The following ABLIM1 variants were observed in gnomAD, a reference collection of about 807,000 sequenced individuals.
ABLIM1 encodes actin binding LIM protein 1, also known as actin-binding LIM protein 1.
A neutral mutation model predicts 107.0 loss-of-function variants in ABLIM1; 40 were observed. The observed-to-expected ratio is 0.37, with a 90% confidence interval of 0.29 to 0.49. The LOEUF (loss-of-function observed/expected upper bound fraction) is 0.49. Among genes scored for constraint, ABLIM1 ranks in the 20% least tolerant of loss-of-function variants. The pLI is 0.97. For synonymous variants in ABLIM1, 357 were observed against 357.3 expected (o/e 1.00, Z 0.01); for missense variants, 857 against 1,008.5 (o/e 0.85, Z 2.04).
rs762667819 is a variant in ABLIM1 at position 114,575,411 on chromosome 10, C to T, written c.563+5G>A. 3.7e-6 allele frequency: 6 copies of T among 1,612,858 alleles called. No homozygotes were observed. Among genetic ancestry groups the T allele is most frequent in the Non-Finnish European group, 4.2e-6 (5 of 1,179,386 alleles). ...TGTAGGCTTTGGAAAGATAGGCTCA[C>T]TTACTTGCAGATAGTACAAGCAAAG... On this transcript the variant is annotated splice_donor_5th_base_variant and intron_variant, in intron 3 of 22. Transcript: ENST00000533213.
chr10:114,658,400 A>G (rs1472923883), upstream of ABLIM1: 2 of 1,013,554 alleles, frequency 2.0e-6, no homozygotes, highest in Non-Finnish European at 2.6e-6. Flanking sequence ...ACTAGGTATA[A>G]AAACAGCCAC....
In ABLIM1 at chr10:114,444,048, G is replaced by C. The variant is rs199591198; in HGVS notation, c.1914C>G (p.Tyr638Ter). 2 of 1,607,060 alleles carry C rather than the reference G, an allele frequency of 1.2e-6. No homozygotes were observed. The highest frequency in any genetic ancestry group is 1.7e-6 in the Non-Finnish European group (2 of 1,178,120). ...RERSSLLASR[Y>*]DSPINSASHI... ...GCTTACCTGAGTTGATGGGAGAATCGTAGCGACTGGCTAACAGAGATGACC... is the reference window on the plus strand; with the variant it reads ...GCTTACCTGAGTTGATGGGAGAATCCTAGCGACTGGCTAACAGAGATGACC... Residue 638 changes from tyrosine to a stop codon, truncating the protein, a stop_gained, in exon 17 of 23, where the codon TAC (tyrosine) becomes TAG (stop). Transcript: ENST00000533213. LOFTEE classifies it high-confidence loss of function.
chr10:114,566,124 C>T (rs1381685251), intron 4 of ABLIM1, among the ~76,000 whole-genome samples: 1 of 152,106 alleles, frequency 6.6e-6, no homozygotes, highest in Non-Finnish European at 1.5e-5. Flanking sequence ...CAGACTAGAG[C>T]ATTTGTCTTG....
intron 1 of ABLIM1, among the ~76,000 whole-genome samples, chr10:114,651,168 T>C (rs781738026): frequency 2.0e-5 from 3 of 152,190 alleles, no homozygotes; most frequent in Admixed American, 6.5e-5. Flanking sequence ...TCTTCGAACA[T>C]AGTGATTTGA....
intron 22 of ABLIM1, 23 bp from the exon 23 acceptor site, chr10:114,436,396 A>AT: frequency 1.3e-6 from 2 of 1,527,536 alleles, no homozygotes; most frequent in East Asian, 2.3e-5. Flanking sequence ...AAAAAAAAAA[A>AT]GAGCTGCTGT....
At chr10:114,792,686 A>T in the ABLIM1 span, among the ~76,000 whole-genome samples, 32 of 152,118 alleles carry the variant, frequency 2.1e-4, no homozygotes, top group African/African-American at 7.7e-4. Flanking sequence ...GGGTAAACCA[A>T]TCCAATCCCA....
intron 1 of ABLIM1, among the ~76,000 whole-genome samples, chr10:114,736,562 A>G (rs1055460140): frequency 1.6e-4 from 25 of 152,232 alleles, no homozygotes; most frequent in Non-Finnish European, 7.3e-5. Flanking sequence ...ATCCAGTGAC[A>G]GCTATCTAAA....
chr10:114,594,088 T>C (rs1001332440), intron 2 of ABLIM1, among the ~76,000 whole-genome samples: 16 of 152,208 alleles, frequency 1.1e-4, no homozygotes, highest in African/African-American at 3.6e-4. Context: ...AGATAGGTAA[T>C]AAAAGGATGA....
chr10:114,716,408 G>GAA (rs34924605), intron 1 of ABLIM1, among the ~76,000 whole-genome samples: 4,339 of 110,982 alleles, frequency 0.039, 79 homozygotes, highest in Middle Eastern at 0.056. Flanking sequence ...TTGGTAGAGA[G>GAA]AAACACACAC....
chr10:114,609,867 TAGGAGGG>T (rs1409048677), intron 1 of ABLIM1, among the ~76,000 whole-genome samples: 1 of 152,168 alleles, frequency 6.6e-6, no homozygotes, highest in African/African-American at 2.4e-5. Flanking sequence ...ACAATTGCCG[TAGGAGGG>T]ACTGTTGCAC....
intron 1 of ABLIM1, among the ~76,000 whole-genome samples, chr10:114,613,956 A>G (rs1189177143): frequency 6.6e-6 from 1 of 152,152 alleles, no homozygotes; most frequent in Non-Finnish European, 1.5e-5. Context: ...GTGGTTGATC[A>G]TTCTCTTATT....
intron 1 of ABLIM1, among the ~76,000 whole-genome samples, chr10:114,704,471 G>A (rs2081380463): frequency 6.6e-6 from 1 of 151,480 alleles, no homozygotes; most frequent in Non-Finnish European, 1.5e-5. Context: ...AATCTGCTTT[G>A]GCCGGCTACT....
Position 114,451,612 on chromosome 10 carries a change from A to G in ABLIM1, c.1594+12T>C, listed in dbSNP as rs1287271282. ...GCTATTTAAAAGCTACGCGGAGGAA[A>G]GCGGGTTTTACCATGCTGTTTGTAG... On this transcript the variant is annotated intron_variant, in intron 14 of 22. Coordinates refer to ENST00000533213, the MANE Select transcript of ABLIM1 (RefSeq NM_002313.7). 12 of 1,610,390 alleles carry G rather than the reference A, an allele frequency of 7.5e-6. No homozygotes were observed. The highest frequency in any genetic ancestry group is 1.0e-5 in the Non-Finnish European group (12 of 1,176,720).
At chr10:114,614,027 A>G (rs1334446626) in intron 1 of ABLIM1, among the ~76,000 whole-genome samples, 1 of 152,150 alleles carries the variant, frequency 6.6e-6, no homozygotes, top group Non-Finnish European at 1.5e-5. Flanking sequence ...AAGTTTAACA[A>G]AGCACTTAGT....
intron 1 of ABLIM1, among the ~76,000 whole-genome samples, chr10:114,678,064 T>C (rs993331806): frequency 6.6e-6 from 1 of 152,174 alleles, no homozygotes; most frequent in Admixed American, 6.6e-5. Context: ...TTTACACACA[T>C]CTAGGTCATA....
intron 4 of ABLIM1, among the ~76,000 whole-genome samples, chr10:114,571,063 A>G (rs535184204): frequency 8.5e-5 from 13 of 152,320 alleles, no homozygotes; most frequent in African/African-American, 3.1e-4. Context: ...CTTAACAGGT[A>G]TAAGTTGGTA....
At chr10:114,446,638 A>T (rs1175510217) in intron 15 of ABLIM1, among the ~76,000 whole-genome samples, 1 of 151,760 alleles carries the variant, frequency 6.6e-6, no homozygotes, top group Non-Finnish European at 1.5e-5. Context: ...AGAGCTTTAA[A>T]CTACTTAGTG....
Position 114,740,274 on chromosome 10 carries a change from G to C in ABLIM1, c.-213+27787C>G, listed in dbSNP as rs142367023. Among the ~76,000 whole-genome samples the C allele has an allele frequency of 2.0e-3, 309 of 152,216 alleles. 4 individuals carry two copies. The highest frequency in any genetic ancestry group is 0.016 in the Admixed American group (250 of 15,280). On this transcript the variant is annotated intron_variant, in intron 1 of 15. Coordinates refer to the ABLIM1 transcript ENST00000651092. ...TTATAAGAAGGACTTTAAAGAATAG[G>C]CATTTTAAGCTTTTCCTACTCGTAG...
the ABLIM1 span, among the ~76,000 whole-genome samples, chr10:114,800,142 T>A: frequency 2.0e-4 from 30 of 152,296 alleles, no homozygotes; most frequent in African/African-American, 7.2e-4. Context: ...TGGCTTCTAG[T>A]TTCACTCAAA....
Sources: allele counts gnomAD v4.1 joint callset (sites outside exome capture counted in the v4.1 genomes callset), GRCh38; gene constraint gnomAD v4.1.1; transcripts MANE v1.5; gene names NCBI Gene and HGNC (gene_info 2026-07-23, HGNC 2026-07-21).